BATF: variants seen among roughly 807,000 people sequenced by gnomAD.
BATF encodes the protein basic leucine zipper transcriptional factor ATF-like.
A neutral mutation model predicts 13.7 loss-of-function variants in BATF; 5 were observed. The observed-to-expected ratio is 0.36, with a 90% CI of 0.19 to 0.77. The LOEUF (loss-of-function observed/expected upper bound fraction) is 0.77, where lower values mean the gene tolerates loss of function less well. Ranked by LOEUF, BATF falls within the 30% of genes least tolerant of loss-of-function variation. The probability of loss-of-function intolerance (pLI) is 0.51; values close to 1 mark genes in which losing one functional copy is unlikely to be tolerated. For missense variants in BATF, 124 were observed against 163.0 expected (o/e 0.76, Z 1.30); for synonymous variants, 72 against 67.5 (o/e 1.07, Z -0.33).
chr14:75,525,772 G>A (rs1887645034), intron 2 of BATF, among the ~76,000 whole-genome samples: 1 of 152,082 alleles, frequency 6.6e-6, no homozygotes, highest in African/African-American at 2.4e-5. Flanking sequence ...AGAAGGCAGA[G>A]CTGTATTGGG....
At chr14:75,537,585 G>T (rs994525202) in intron 2 of BATF, among the ~76,000 whole-genome samples, 1 of 152,158 alleles carries the variant, frequency 6.6e-6, no homozygotes, top group African/African-American at 2.4e-5. Context: ...AAACGAAACG[G>T]TTAAAGTTAT....
intron 2 of BATF, among the ~76,000 whole-genome samples, chr14:75,543,997 A>G (rs1431292249): frequency 1.3e-5 from 2 of 152,060 alleles, no homozygotes; most frequent in African/African-American, 4.8e-5. Flanking sequence ...CCTATTTTTG[A>G]GTTACCTTCT....
Position 75,522,646 on chromosome 14 carries a change from C to T in BATF, c.-37C>T, listed in dbSNP as rs140606496. The T allele has an allele frequency of 2.5e-6, 4 of 1,613,294 alleles. No homozygotes were observed. The African/African-American group carries it at 4.0e-5, about 16-fold the overall frequency. The stretch of plus-strand genomic sequence containing the variant: ...CTGGTGACAAGAGAGCCCAGAGGTG[C>T]CTGGGGCTGAGTGTGAGAGCCCGGA... On this transcript the variant is annotated 5_prime_UTR_variant, in exon 1 of 3. Coordinates refer to ENST00000286639, the MANE Select transcript of BATF (RefSeq NM_006399.5).
chr14:75,526,250 C>T (rs989726663), intron 2 of BATF, among the ~76,000 whole-genome samples: 1 of 152,216 alleles, frequency 6.6e-6, no homozygotes, highest in Non-Finnish European at 1.5e-5. Flanking sequence ...CACTCTGCCC[C>T]CAGTATGGTT....
rs758202521 is a variant in BATF at position 75,546,629 on chromosome 14, A to G, written c.336A>G (p.Ala112=). ...SPPEVVYSAH[A]FHQPHVSSPR... is the part of the protein sequence containing the mutation. ...CCGAGGTGGTGTACAGCGCCCACGC[A>G]TTCCACCAACCTCATGTCAGCTCCC... Residue 112 remains alanine, a synonymous_variant, in exon 3 of 3, where the codon GCA becomes GCG. Coordinates refer to ENST00000286639, the MANE Select transcript of BATF (RefSeq NM_006399.5). 6.2e-6 allele frequency: 10 copies of G among 1,612,728 alleles called. No homozygotes were observed. Among genetic ancestry groups the G allele is most frequent in the Non-Finnish European group, 8.5e-6 (10 of 1,179,436 alleles).
intron 1 of BATF, among the ~76,000 whole-genome samples, chr14:75,523,177 G>T (rs1335316557): frequency 6.7e-6 from 1 of 148,860 alleles, no homozygotes; most frequent in Non-Finnish European, 1.5e-5. Flanking sequence ...ACAGCCAATA[G>T]GGAAGGGGAG....
chr14:75,523,567 C>A (rs1887608701), intron 1 of BATF, among the ~76,000 whole-genome samples: 1 of 152,160 alleles, frequency 6.6e-6, no homozygotes, highest in African/African-American at 2.4e-5. Flanking sequence ...GTGCCCTGCC[C>A]ATCTCACAGC....
chr14:75,546,231 A>G (rs1887983452), intron 2 of BATF, among the ~76,000 whole-genome samples: 1 of 152,184 alleles, frequency 6.6e-6, no homozygotes, highest in Non-Finnish European at 1.5e-5. Context: ...CCTCATATCT[A>G]TGTGTATACA....
chr14:75,526,004 A>C (rs746204532), intron 2 of BATF, among the ~76,000 whole-genome samples: 3 of 152,176 alleles, frequency 2.0e-5, no homozygotes, highest in Non-Finnish European at 4.4e-5. Flanking sequence ...TGAAAGATGC[A>C]ATTTCAAGTG....
At chr14:75,533,046 G>A (rs1887761287) in intron 2 of BATF, among the ~76,000 whole-genome samples, 1 of 152,130 alleles carries the variant, frequency 6.6e-6, no homozygotes, top group African/African-American at 2.4e-5. Context: ...CATTTGGGGA[G>A]GGAAAACACA....
intron 2 of BATF, among the ~76,000 whole-genome samples, chr14:75,531,881 G>A (rs912934753): frequency 7.9e-5 from 12 of 152,130 alleles, no homozygotes; most frequent in African/African-American, 2.7e-4. Context: ...ATGTTTGTTG[G>A]CACAGATAAG....
intron 2 of BATF, among the ~76,000 whole-genome samples, chr14:75,531,818 G>A (rs1005246726): frequency 7.2e-5 from 11 of 152,238 alleles, no homozygotes; most frequent in African/African-American, 1.2e-4. Flanking sequence ...GGATGCTTAC[G>A]GTCCTATTTC....
chr14:75,546,392 C>T, intron 2 of BATF, 70 bp from the exon 3 acceptor site: 1 of 1,518,214 alleles, frequency 6.6e-7, no homozygotes, highest in Non-Finnish European at 9.1e-7. Context: ...CCTCCTGTGT[C>T]CCTCCGCACC....
chr14:75,540,533 G>A (rs1038006433), intron 2 of BATF, among the ~76,000 whole-genome samples: 31 of 152,178 alleles, frequency 2.0e-4, no homozygotes, highest in Non-Finnish European at 3.8e-4. Context: ...ACAGTATAAC[G>A]TTTAAACAGA....
Position 75,537,005 on chromosome 14 carries a change from T to A in BATF, c.169-9457T>A, listed in dbSNP as rs546835621. Among the ~76,000 whole-genome samples, 3 of 152,296 alleles carry A rather than the reference T, an allele frequency of 2.0e-5. No individual in the cohort carries two copies. The East Asian group carries it at 5.8e-4, about 29-fold the overall frequency. On this transcript the variant is annotated intron_variant, in intron 2 of 2. Transcript: ENST00000286639. Reference sequence around the variant, plus strand: ...AGACAGCCTGCCCTTTTCCTAGAAATCAATCAGATATATTATCCTACATGA... The same window carrying A: ...AGACAGCCTGCCCTTTTCCTAGAAAACAATCAGATATATTATCCTACATGA...
intron 2 of BATF, among the ~76,000 whole-genome samples, chr14:75,532,196 TTAAG>T (rs1471305189): frequency 6.6e-6 from 1 of 152,198 alleles, no homozygotes; most frequent in African/African-American, 2.4e-5. Context: ...TTCCTAACCA[TTAAG>T]TTTTACTGCC....
chr14:75,540,070 G>A (rs985280466), intron 2 of BATF, among the ~76,000 whole-genome samples: 1 of 152,146 alleles, frequency 6.6e-6, no homozygotes, highest in Non-Finnish European at 1.5e-5. Context: ...AATACACAGG[G>A]ACTATTTTCA....
intron 2 of BATF, among the ~76,000 whole-genome samples, chr14:75,529,643 G>T (rs904938570): frequency 6.6e-6 from 1 of 152,066 alleles, no homozygotes; most frequent in Non-Finnish European, 1.5e-5. Context: ...TCAAAATACT[G>T]TATGCAAAAT....
intron 2 of BATF, among the ~76,000 whole-genome samples, chr14:75,528,901 T>C (rs909129711): frequency 6.6e-6 from 1 of 152,082 alleles, no homozygotes; most frequent in Non-Finnish European, 1.5e-5. Context: ...ATAATACCAA[T>C]GACAACAGCA....
Sources: gnomAD v4.1 joint callset for allele counts (sites outside exome capture counted in the v4.1 genomes callset) on GRCh38, gnomAD v4.1.1 for gene constraint, MANE v1.5 for transcripts, NCBI Gene and HGNC (gene_info 2026-07-23, HGNC 2026-07-21) for gene names.